Variants in KCNG3 observed in about 807,000 individuals in gnomAD.
KCNG3 encodes voltage-gated potassium channel regulatory subunit KCNG3.
A neutral mutation model predicts 29.0 loss-of-function variants in KCNG3; 15 were observed. The ratio of observed to expected loss-of-function variants is 0.52; its 90% CI spans 0.35 to 0.80. The LOEUF is 0.80. Ranked by LOEUF, KCNG3 falls within the 30% of genes least tolerant of loss-of-function variation. The probability of loss-of-function intolerance (pLI) is 0.01; values close to 1 mark genes in which losing one functional copy is unlikely to be tolerated. For synonymous variants in KCNG3, 322 were observed against 248.9 expected, an observed-to-expected ratio of 1.29 and a Z score of -2.76; for missense variants, 512 against 605.7, an observed-to-expected ratio of 0.85 and a Z score of 1.62.
Position 42,442,738 on chromosome 2 carries a change from A to T in KCNG3, c.*1196T>A, listed in dbSNP as rs976489154. On this transcript the variant is annotated 3_prime_UTR_variant, in exon 2 of 2. Transcript: ENST00000306078. ...TCTGTTGCTAAAATTTAGTTACTAA[A>T]CAATCATCACTTTTACATTATCTAG... 1 of 152,228 alleles carries T rather than the reference A, an allele frequency of 6.6e-6. No individual in the cohort carries two copies. Among genetic ancestry groups the T allele is most frequent in the Non-Finnish European group, 1.5e-5 (1 of 68,042 alleles). 9.4% of individuals were successfully genotyped at this position (152,228 alleles called of 1,614,324 possible).
chr2:42,406,946 T>A, the KCNG3 span, among the ~76,000 whole-genome samples: 1 of 152,068 alleles, frequency 6.6e-6, no homozygotes, highest in Non-Finnish European at 1.5e-5. Flanking sequence ...TTCTATATGA[T>A]AAAATTTCTT....
chr2:42,452,243 A>ATATATATATATATATATTT lies in KCNG3; in HGVS notation c.666-7665_666-7664insAAATATATATATATATATA. Among the ~76,000 whole-genome samples, 557 of 94,928 alleles carry ATATATATATATATATATTT rather than the reference A, an allele frequency of 5.9e-3. 4 individuals carry two copies. The highest frequency in any genetic ancestry group is 9.2e-3 in the Non-Finnish European group (434 of 46,928). 62.3% of individuals were successfully genotyped at this position (94,928 alleles called of 152,430 possible). On this transcript the variant is annotated intron_variant, in intron 1 of 1. Transcript: ENST00000306078. ...TAAATATATATATATATATATATAT[A>ATATATATATATATATATTT]TTTTTTTTTTTTTTTTAAAGGAAAC...
the KCNG3 span, among the ~76,000 whole-genome samples, chr2:42,429,252 G>A: frequency 6.6e-6 from 1 of 152,152 alleles, no homozygotes; most frequent in African/African-American, 2.4e-5. Context: ...AAGGGGAGAG[G>A]AACTTTAAGT....
the KCNG3 span, among the ~76,000 whole-genome samples, chr2:42,394,066 C>T: frequency 1.3e-5 from 2 of 152,172 alleles, no homozygotes; most frequent in Admixed American, 1.3e-4. Context: ...CAGGTGTGAG[C>T]CACTATGCCA....
In KCNG3 at chr2:42,493,305, T is replaced by G; in HGVS notation, c.197A>C (p.His66Pro). The change falls in exon 1 of 2, where the codon CAC (histidine) becomes CCC (proline). Residue 66 changes from histidine to proline, a missense_variant. Around this residue, in one of 5 missense-constraint regions of KCNG3, gnomAD observed 91 missense variants for 91.1 expected, o/e 1.00. Coordinates refer to ENST00000306078, the MANE Select transcript of KCNG3 (RefSeq NM_133329.6). Reference sequence around the variant, plus strand: ...CAGGATGAAGCCGAAGGCCTCCGAGTGCCGGTCGAAGAAGTACTCGTTGCG... The same window carrying G: ...CAGGATGAAGCCGAAGGCCTCCGAGGGCCGGTCGAAGAAGTACTCGTTGCG... ...RERNEYFFDR[H>P]SEAFGFILLY... is the part of the protein sequence containing the mutation. 1 of 1,610,952 alleles carries G rather than the reference T, an allele frequency of 6.2e-7. No individual in the cohort carries two copies. The highest frequency in any genetic ancestry group is 8.5e-7 in the Non-Finnish European group (1 of 1,179,170).
intron 1 of KCNG3, among the ~76,000 whole-genome samples, chr2:42,449,960 A>G (rs1020616086): frequency 6.6e-6 from 1 of 152,156 alleles, no homozygotes; most frequent in Admixed American, 6.5e-5. Flanking sequence ...ACTGAACTTG[A>G]CATCAGAGGC....
chr2:42,465,864 A>G (rs996280732), intron 1 of KCNG3, among the ~76,000 whole-genome samples: 1 of 152,226 alleles, frequency 6.6e-6, no homozygotes, highest in Non-Finnish European at 1.5e-5. Context: ...CCAATAAGCT[A>G]ATGAAAATGA....
At chr2:42,448,126 T>C (rs183801754) in intron 1 of KCNG3, among the ~76,000 whole-genome samples, 1 of 152,194 alleles carries the variant, frequency 6.6e-6, no homozygotes, top group Admixed American at 6.5e-5. Flanking sequence ...TCTTTGCACA[T>C]GTTTAACGGC....
chr2:42,400,538 C>A, the KCNG3 span, among the ~76,000 whole-genome samples: 3 of 152,214 alleles, frequency 2.0e-5, no homozygotes, highest in East Asian at 5.8e-4. Context: ...ACACCAAACA[C>A]CCCCTCCTTG....
intron 1 of KCNG3, among the ~76,000 whole-genome samples, chr2:42,460,558 A>T (rs913275873): frequency 6.6e-6 from 1 of 152,200 alleles, no homozygotes; most frequent in African/African-American, 2.4e-5. Flanking sequence ...TCAGAAGAAG[A>T]TAAGTTTTTC....
At position 42,493,190 on chromosome 2, in the gene KCNG3, C is replaced by T. The variant is rs1324703927; in HGVS notation, c.312G>A (p.Glu104=). ...FYNEMIYWGL[E]GAHLEYCCQR... ...GGCAGCAGTACTCGAGGTGCGCGCC[C>T]TCCAGGCCCCAGTAGATCATCTCGT... The change falls in exon 1 of 2, where the codon GAG becomes GAA. Residue 104 remains glutamate, a synonymous_variant. Coordinates refer to ENST00000306078, the MANE Select transcript of KCNG3 (RefSeq NM_133329.6). 6.2e-7 allele frequency: 1 copy of T among 1,610,086 alleles called. No homozygotes were observed. The highest frequency in any genetic ancestry group is 8.5e-7 in the Non-Finnish European group (1 of 1,179,860).
intron 1 of KCNG3, among the ~76,000 whole-genome samples, chr2:42,451,544 G>A (rs1672754787): frequency 6.6e-6 from 1 of 151,942 alleles, no homozygotes; most frequent in African/African-American, 2.4e-5. Context: ...GGCCAACATG[G>A]TGAAACCCCG....
rs1410609907 is a variant in KCNG3, at chr2:42,444,402, G to A, written c.843C>T (p.Leu281=). 6.2e-7 allele frequency: 1 copy of A among 1,614,032 alleles called. No individual in the cohort carries two copies. The highest frequency in any genetic ancestry group is 1.3e-5 in the African/African-American group (1 of 74,928). ...CCCTCAAGGTGACTCCAGCCCTCTG[G>A]AGTTGAGAGTTCTCGCCTGTAAACA... The part of the protein sequence containing the change: ...MTVFTGENSQ[L]QRAGVTLRVL... The change falls in exon 2 of 2, where the codon CTC becomes CTT. Residue 281 remains leucine (L), a synonymous_variant. Transcript: ENST00000306078. This position sits in a 1 kb window ranked among gnomAD's most constrained non-coding sequence, Gnocchi z 5.8.
chr2:42,481,891 T>C (rs1673594103), intron 1 of KCNG3, among the ~76,000 whole-genome samples: 1 of 152,216 alleles, frequency 6.6e-6, no homozygotes, highest in African/African-American at 2.4e-5. Flanking sequence ...ACACTTACAC[T>C]CTGCACACCC....
intron 1 of KCNG3, among the ~76,000 whole-genome samples, chr2:42,486,284 C>A (rs540349477): frequency 2.0e-5 from 3 of 152,288 alleles, no homozygotes; most frequent in African/African-American, 7.2e-5. Flanking sequence ...GACATAATAA[C>A]ACCCACATAA....
At chr2:42,416,523 T>C in the KCNG3 span, among the ~76,000 whole-genome samples, 1 of 152,054 alleles carries the variant, frequency 6.6e-6, no homozygotes, top group Admixed American at 6.6e-5. Context: ...AATGTGCACA[T>C]CACAGAGAAA....
intron 1 of KCNG3, among the ~76,000 whole-genome samples, chr2:42,447,519 CT>C (rs35956741): frequency 0.27 from 39,159 of 144,138 alleles, 5,689 homozygotes; most frequent in East Asian, 0.57. Flanking sequence ...AATGAATATT[CT>C]TTTTTTTTTT....
At chr2:42,440,053 C>G (rs1333820283), downstream of KCNG3, among the ~76,000 whole-genome samples, 1 of 152,188 alleles carries the variant, frequency 6.6e-6, no homozygotes, top group Admixed American at 6.5e-5. Flanking sequence ...CTTCTGGGAC[C>G]TAACCTGACA....
chr2:42,404,079 C>T, the KCNG3 span, among the ~76,000 whole-genome samples: 1 of 152,116 alleles, frequency 6.6e-6, no homozygotes, highest in African/African-American at 2.4e-5. Flanking sequence ...GAAAACCGGC[C>T]CATAAAACGG....
Sources: allele counts gnomAD v4.1 joint callset (sites outside exome capture counted in the v4.1 genomes callset), GRCh38; gene constraint gnomAD v4.1.1; regional missense constraint gnomAD v4.1.1; non-coding constraint Gnocchi (gnomAD v3.1); transcripts MANE v1.5; gene names NCBI Gene and HGNC (gene_info 2026-07-23, HGNC 2026-07-21).